Variants in NLGN1 observed in about 807,000 individuals in gnomAD.
NLGN1 encodes the protein neuroligin-1.
Under a neutral mutation model 65.5 loss-of-function variants are expected in NLGN1, and 12 were observed. That is an observed-to-expected ratio of 0.18 (90% confidence interval 0.12 to 0.30). The LOEUF (loss-of-function observed/expected upper bound fraction) is 0.30, where lower values mean the gene tolerates loss of function less well. Ranked by LOEUF, NLGN1 falls within the 10% of genes least tolerant of loss-of-function variation. NLGN1 has a pLI of 1.00. For missense variants in NLGN1, 750 were observed against 1,007.1 expected (o/e 0.74, Z 3.46); for synonymous variants, 350 against 359.5 (o/e 0.97, Z 0.30).
At chr3:173,747,923 C>T (rs574582067) in intron 3 of NLGN1, among the ~76,000 whole-genome samples, 4 of 142,716 alleles carry the variant, frequency 2.8e-5, no homozygotes, top group African/African-American at 1.0e-4. Flanking sequence ...AAGCAATTCT[C>T]ATGCCTCAGC....
At chr3:173,530,668 T>G (rs1736417502) in intron 2 of NLGN1, among the ~76,000 whole-genome samples, 1 of 152,192 alleles carries the variant, frequency 6.6e-6, no homozygotes, top group Admixed American at 6.5e-5. Context: ...AGTTGTTATT[T>G]AAAGTGTTAA....
intron 4 of NLGN1, among the ~76,000 whole-genome samples, chr3:174,174,124 A>G (rs1036704724): frequency 6.6e-5 from 10 of 150,400 alleles, no homozygotes; most frequent in Admixed American, 5.3e-4. Context: ...ATAGTCTCCA[A>G]TCTCATCCAG....
intron 2 of NLGN1, among the ~76,000 whole-genome samples, chr3:173,524,485 G>A (rs1446370413): frequency 6.6e-6 from 1 of 152,082 alleles, no homozygotes. Flanking sequence ...AGGGTTGTCC[G>A]TGTATACAAT....
intron 2 of NLGN1, among the ~76,000 whole-genome samples, chr3:173,518,103 G>A (rs1207424140): frequency 2.6e-5 from 4 of 152,130 alleles, no homozygotes; most frequent in Non-Finnish European, 4.4e-5. Flanking sequence ...TACTGGTCAC[G>A]TTCCTACCAG....
chr3:173,653,389 CT>C (rs1560111228), intron 3 of NLGN1, among the ~76,000 whole-genome samples: 1 of 151,952 alleles, frequency 6.6e-6, no homozygotes, highest in African/African-American at 2.4e-5. Flanking sequence ...CATATTTGGC[CT>C]ATATTATTTT....
intron 4 of NLGN1, among the ~76,000 whole-genome samples, chr3:174,083,471 T>A (rs1161242651): frequency 6.6e-6 from 1 of 152,132 alleles, no homozygotes; most frequent in Non-Finnish European, 1.5e-5. Context: ...CACTTTAAAA[T>A]TGCAGACAAC....
chr3:173,524,913 C>T (rs1030794898), intron 2 of NLGN1, among the ~76,000 whole-genome samples: 193 of 152,128 alleles, frequency 1.3e-3, no homozygotes, highest in African/African-American at 4.5e-3. Flanking sequence ...GTAATAAAAA[C>T]CCCTGCCCCC....
intron 4 of NLGN1, among the ~76,000 whole-genome samples, chr3:173,936,618 A>G (rs1274995687): frequency 6.6e-6 from 1 of 152,100 alleles, no homozygotes; most frequent in African/African-American, 2.4e-5. Flanking sequence ...GATTGAAGAT[A>G]GGACCTTTAG....
At position 173,893,706 on chromosome 3, in the gene NLGN1, T is replaced by A. The variant is rs546348243; in HGVS notation, c.646+85874T>A. Among the ~76,000 whole-genome samples, 4 of 152,312 alleles carry A rather than the reference T, an allele frequency of 2.6e-5. No individual in the cohort carries two copies. In the South Asian group the frequency reaches 8.3e-4, roughly 32 times the overall value. ...ATTATTATTGCATGGGCTCCTAACC[T>A]GTTTTTATTTTTTTTAACCTCTTAC... On this transcript the variant is annotated intron_variant, in intron 4 of 6. Transcript: ENST00000457714.
At chr3:174,129,279 G>T (rs1306728544) in intron 4 of NLGN1, among the ~76,000 whole-genome samples, 1 of 150,860 alleles carries the variant, frequency 6.6e-6, no homozygotes, top group Non-Finnish European at 1.5e-5. Context: ...ATCTCGTTTT[G>T]TATGGCATAG....
At chr3:174,083,437 A>G (rs544975920) in intron 4 of NLGN1, among the ~76,000 whole-genome samples, 19 of 152,332 alleles carry the variant, frequency 1.2e-4, no homozygotes, top group African/African-American at 4.6e-4. Flanking sequence ...AACTATTATG[A>G]TGAAATTTAT....
intron 4 of NLGN1, among the ~76,000 whole-genome samples, chr3:174,237,599 C>T (rs1741963878): frequency 6.6e-6 from 1 of 151,992 alleles, no homozygotes; most frequent in African/African-American, 2.4e-5. Flanking sequence ...ACTCTGTCAC[C>T]CAGCTGGACT....
At chr3:174,258,562 G>A (rs868285467) in intron 4 of NLGN1, among the ~76,000 whole-genome samples, 15 of 152,026 alleles carry the variant, frequency 9.9e-5, no homozygotes, top group African/African-American at 3.1e-4. Flanking sequence ...CTAACCAAAC[G>A]GTCAATGGGC....
In NLGN1 at chr3:174,181,976, CAAAAAAAAAAAA is replaced by C. The variant is rs551914698; in HGVS notation, c.647-93325_647-93314del. On this transcript the variant is annotated intron_variant, in intron 4 of 6. Transcript: ENST00000457714. ...TGGGCAACAGATTGAGACTTGGTGT[CAAAAAAAAAAAA>C]AAAAAAAAAAAAAGAATGTCTCCGA... 6.8e-5 allele frequency among the ~76,000 whole-genome samples: 3 copies of C among 44,396 alleles called. No individual in the cohort carries two copies. In the Admixed American group the frequency reaches 8.7e-4, roughly 13 times the overall value. 29.1% of individuals were successfully genotyped at this position (44,396 alleles called of 152,430 possible). A position where few individuals can be genotyped will look rare whatever the true frequency, so the allele number is the denominator to read the frequency against.
intron 4 of NLGN1, among the ~76,000 whole-genome samples, chr3:173,884,697 A>G (rs1380475163): frequency 2.6e-5 from 4 of 152,238 alleles, no homozygotes; most frequent in African/African-American, 9.6e-5. Context: ...AATTAAAATC[A>G]GATGAACACA....
At chr3:174,101,916 A>T (rs1050173785) in intron 4 of NLGN1, among the ~76,000 whole-genome samples, 1 of 152,186 alleles carries the variant, frequency 6.6e-6, no homozygotes, top group Non-Finnish European at 1.5e-5. Context: ...TCCAATCGGG[A>T]GATCAGGGAA....
chr3:173,946,945 A>G (rs550695036), intron 4 of NLGN1, among the ~76,000 whole-genome samples: 1 of 152,278 alleles, frequency 6.6e-6, no homozygotes, highest in African/African-American at 2.4e-5. Context: ...GTCCTCCACA[A>G]TGCTTCACCC....
chr3:173,883,289 C>T (rs991713951), intron 4 of NLGN1, among the ~76,000 whole-genome samples: 17 of 152,000 alleles, frequency 1.1e-4, no homozygotes, highest in South Asian at 4.1e-4. Context: ...CAAAAGGAGG[C>T]GAGAGATAAG....
intron 4 of NLGN1, among the ~76,000 whole-genome samples, chr3:174,190,601 A>G (rs988347201): frequency 6.6e-6 from 1 of 152,026 alleles, no homozygotes; most frequent in South Asian, 2.1e-4. Flanking sequence ...AGACTTATTG[A>G]TATAACTATG....
Sources: allele counts gnomAD v4.1 joint callset (sites outside exome capture counted in the v4.1 genomes callset), GRCh38; gene constraint gnomAD v4.1.1; transcripts MANE v1.5; gene names NCBI Gene and HGNC (gene_info 2026-07-23, HGNC 2026-07-21).